The following DAZAP2 variants were observed in gnomAD, a reference collection of about 807,000 sequenced individuals.
The protein encoded by DAZAP2 is DAZ associated protein 2, also known as DAZ-associated protein 2.
A neutral mutation model predicts 16.2 loss-of-function variants in DAZAP2; 3 were observed. The observed-to-expected ratio is 0.19, with a 90% CI of 0.08 to 0.48. DAZAP2 has a LOEUF of 0.48. Ranked by LOEUF, DAZAP2 falls within the 20% of genes least tolerant of loss-of-function variation. The pLI is 0.98. For missense variants in DAZAP2, 172 were observed against 215.9 expected, an observed-to-expected ratio of 0.80 and a Z score of 1.27; for synonymous variants, 69 against 77.6, an observed-to-expected ratio of 0.89 and a Z score of 0.58.
chr12:51,241,210 A>G, intron 3 of DAZAP2, 94 bp downstream of exon 3: 2 of 1,541,432 alleles, frequency 1.3e-6, no homozygotes, highest in Non-Finnish European at 1.7e-6. Flanking sequence ...TCTGGATGAT[A>G]GTTGCCAGTG....
intron 1 of DAZAP2, 95 bp from the exon 2 acceptor site, chr12:51,240,248 C>A (rs1393203469): frequency 6.7e-6 from 6 of 898,516 alleles, no homozygotes; most frequent in Non-Finnish European, 1.1e-5. Context: ...AAATCCCCTT[C>A]TGCTTGCTCC....
rs1944664714 is a variant in DAZAP2, at chr12:51,240,974, C to T, written c.236C>T (p.Ala79Val). Residue 79 changes from alanine to valine, a missense_variant, in exon 3 of 4, where the codon GCT (alanine) becomes GTT (valine). By Grantham distance (64) the Ala-to-Val change is moderately conservative (BLOSUM62 0). Transcript: ENST00000412716. ...SLYLPMAQSV[A>V]VGPLGSTIPM... ...TATCTTCCCATGGCCCAGTCTGTGGCTGTTGGGCCTTTAGGTTCCACAATC... is the reference window on the plus strand; with the variant it reads ...TATCTTCCCATGGCCCAGTCTGTGGTTGTTGGGCCTTTAGGTTCCACAATC... The T allele has an allele frequency of 6.2e-7, 1 of 1,614,200 alleles. No individual in the cohort carries two copies. The highest frequency in any genetic ancestry group is 8.5e-7 in the Non-Finnish European group (1 of 1,180,056).
At chr12:51,246,668 A>G (rs1245536534), downstream of DAZAP2, 1 of 901,450 alleles carries the variant, frequency 1.1e-6, no homozygotes, top group Admixed American at 3.4e-5. Context: ...GAGTGAGCCC[A>G]TTAATGGATT....
chr12:51,241,915 C>G (rs1944684182), intron 3 of DAZAP2, among the ~76,000 whole-genome samples: 1 of 150,302 alleles, frequency 6.7e-6, no homozygotes, highest in Non-Finnish European at 1.5e-5. Context: ...GAGCAAGACT[C>G]TATCTCAAAA....
chr12:51,241,930 TAAA>T (rs397790864), intron 3 of DAZAP2, among the ~76,000 whole-genome samples: 1 of 142,166 alleles, frequency 7.0e-6, no homozygotes, highest in East Asian at 2.0e-4. Context: ...TCAAAAAAAT[TAAA>T]AAAAAAAAAA....
At chr12:51,245,883 A>C (rs547211527), downstream of DAZAP2, 1 of 1,544,784 alleles carries the variant, frequency 6.5e-7, no homozygotes, top group African/African-American at 1.4e-5. Flanking sequence ...TTCCCATAAT[A>C]AGCAGTCAAC....
At position 51,242,417 on chromosome 12, in the gene DAZAP2, T is replaced by A. The variant is rs753334286; in HGVS notation, c.466T>A (p.Phe156Ile). 6 of 1,614,188 alleles carry A rather than the reference T, an allele frequency of 3.7e-6. No individual in the cohort carries two copies. In the South Asian group the frequency reaches 6.6e-5, roughly 18 times the overall value. ...CCTCGTAACTCAGCGGAAGGGGAAC[T>A]TCTTCATGGGTGGTTCAGATGGTGG... ...NVLVTQRKGN[F>I]FMGGSDGGYT... is the part of the protein sequence containing the mutation. The change falls in exon 4 of 4, where the codon TTC becomes ATC. Residue 156 changes from phenylalanine (F) to isoleucine (I), a missense_variant. By Grantham distance (21) the Phe-to-Ile change is conservative. Transcript: ENST00000412716.
At position 51,241,084 on chromosome 12, in the gene DAZAP2, T is replaced by C. The variant is rs1176382831; in HGVS notation, c.346T>C (p.Phe116Leu). Residue 116 changes from phenylalanine (F) to leucine (L), a missense_variant, in exon 3 of 4, where the codon TTT becomes CTT. Transcript: ENST00000412716. ...AGGAGGGTATGATGCAGGTGCCAGA[T>C]TTGGAGCTGGGGCTACTGCTGGCAA... Reference protein sequence around the residue: ...VEGGYDAGARFGAGATAGNIP... With the variant: ...VEGGYDAGARLGAGATAGNIP... 2.5e-6 allele frequency: 4 copies of C among 1,614,226 alleles called. No homozygotes were observed. The highest frequency in any genetic ancestry group is 3.4e-6 in the Non-Finnish European group (4 of 1,180,042).
At position 51,242,411 on chromosome 12, in the gene DAZAP2, G is replaced by A. The variant is rs1220359520; in HGVS notation, c.460G>A (p.Gly154Arg). 1.2e-6 allele frequency: 2 copies of A among 1,614,144 alleles called. No individual in the cohort carries two copies. Among genetic ancestry groups the A allele is most frequent in the South Asian group, 1.1e-5 (1 of 91,080 alleles). The change falls in exon 4 of 4, where the codon GGG becomes AGG. Residue 154 changes from glycine (G) to arginine (R), a missense_variant. Physicochemically the swap from Gly to Arg is moderately radical, Grantham distance 125. Coordinates refer to ENST00000412716, the MANE Select transcript of DAZAP2 (RefSeq NM_014764.4). ...GANVLVTQRK[G>R]NFFMGGSDGG... ...CAACGTCCTCGTAACTCAGCGGAAG[G>A]GGAACTTCTTCATGGGTGGTTCAGA...
intron 2 of DAZAP2, 53 bp downstream of exon 2, chr12:51,240,514 CT>C: frequency 7.1e-7 from 1 of 1,413,270 alleles, no homozygotes; most frequent in Non-Finnish European, 1.0e-6. Flanking sequence ...TAGGGTGGTC[CT>C]TTAGTCCTTA....
rs551460767 is a variant in DAZAP2, at chr12:51,243,143, T to C, written c.*685T>C. ...ATGCCATTACTTCTGCTTTCGTATC[T>C]CCTCAGGCAAAAGTGGAGGGTGCCT... On this transcript the variant is annotated 3_prime_UTR_variant, in exon 4 of 4. Transcript: ENST00000412716. The C allele has an allele frequency of 2.4e-5, 24 of 986,090 alleles. No homozygotes were observed. The South Asian group carries it at 9.8e-4, about 40-fold the overall frequency. 61.1% of individuals were successfully genotyped at this position (986,090 alleles called of 1,614,324 possible).
downstream of DAZAP2, among the ~76,000 whole-genome samples, chr12:51,244,372 C>T (rs959155746): frequency 6.6e-5 from 10 of 152,116 alleles, no homozygotes; most frequent in Admixed American, 2.6e-4. Context: ...CATTTCTGTA[C>T]TTTTAGTAGA....
At chr12:51,244,575 A>G (rs553352502), downstream of DAZAP2, 1 of 152,354 alleles carries the variant, frequency 6.6e-6, no homozygotes, top group East Asian at 1.9e-4. Context: ...TTCAAAGGAG[A>G]TCTAGCTTTA....
intron 3 of DAZAP2, 141 bp from the exon 4 acceptor site, chr12:51,242,189 C>A: frequency 1.6e-6 from 2 of 1,220,872 alleles, no homozygotes; most frequent in Non-Finnish European, 2.3e-6. Context: ...TACTTTAGAA[C>A]TCAAATTGGT....
downstream of DAZAP2, chr12:51,246,540 G>A (rs755622362): frequency 6.5e-5 from 30 of 458,914 alleles, no homozygotes; most frequent in East Asian, 3.7e-4. Flanking sequence ...ATCTATTTGC[G>A]GCCACCTCCC....
downstream of DAZAP2, chr12:51,246,024 G>C: frequency 1.2e-6 from 2 of 1,613,950 alleles, no homozygotes; most frequent in Non-Finnish European, 1.7e-6. Context: ...CCTTCTGTAG[G>C]TTCATAGGTG....
intron 2 of DAZAP2, 106 bp downstream of exon 2, chr12:51,240,567 C>A: frequency 9.2e-7 from 1 of 1,092,768 alleles, no homozygotes; most frequent in East Asian, 2.4e-5. Context: ...CAAATGCTAA[C>A]ATGAATAATC....
chr12:51,239,268 G>A (rs758533197), intron 1 of DAZAP2: 2 of 296,228 alleles, frequency 6.8e-6, no homozygotes, highest in Non-Finnish European at 1.3e-5. Flanking sequence ...CCGCGCTCCG[G>A]AACCCCCAGC....
chr12:51,240,144 T>C lies in DAZAP2; in HGVS notation c.14-199T>C, dbSNP rs1158884523. ...AGCAGTGAGCAGTGCCTTTCTTGTC[T>C]CGTTAGAATCCAGCACCTTCCATTT... On this transcript the variant is annotated intron_variant, in intron 1 of 3. Coordinates refer to ENST00000412716, the MANE Select transcript of DAZAP2 (RefSeq NM_014764.4). 8.6e-6 allele frequency: 5 copies of C among 583,284 alleles called. No individual in the cohort carries two copies. In the African/African-American group the frequency reaches 9.4e-5, roughly 11 times the overall value. The allele number at this position is 583,284 out of a possible 1,614,324, so 36.1% of individuals were successfully genotyped here. A position where few individuals can be genotyped will look rare whatever the true frequency, so the allele number is the denominator to read the frequency against.
Sources: allele counts gnomAD v4.1 joint callset (sites outside exome capture counted in the v4.1 genomes callset), GRCh38; gene constraint gnomAD v4.1.1; transcripts MANE v1.5; gene names NCBI Gene and HGNC (gene_info 2026-07-23, HGNC 2026-07-21).